The following RBFOX1 variants were observed in gnomAD, a reference collection of about 807,000 sequenced individuals.
RBFOX1 encodes the protein RNA binding protein fox-1 homolog 1.
Under a neutral mutation model 57.7 loss-of-function variants are expected in RBFOX1, and 8 were observed. That is an observed-to-expected ratio of 0.14 (90% CI 0.08 to 0.25). The LOEUF (loss-of-function observed/expected upper bound fraction) is 0.25, where lower values mean the gene tolerates loss of function less well. RBFOX1 is among the 10% of genes least tolerant of loss of function. RBFOX1 has a pLI of 1.00. For missense variants in RBFOX1, 611 were observed against 548.5 expected, an observed-to-expected ratio of 1.11 and a Z score of -1.14; for synonymous variants, 326 against 222.4, an observed-to-expected ratio of 1.47 and a Z score of -4.15.
chr16:6,251,980 C>G (rs1335647560), intron 1 of RBFOX1, among the ~76,000 whole-genome samples: 1 of 152,072 alleles, frequency 6.6e-6, no homozygotes, highest in African/African-American at 2.4e-5. Flanking sequence ...TAATGTCAGC[C>G]TGTGTAACAT....
intron 2 of RBFOX1, among the ~76,000 whole-genome samples, chr16:6,636,266 G>A (rs1179116393): frequency 1.3e-5 from 2 of 152,072 alleles, no homozygotes; most frequent in East Asian, 1.9e-4. Flanking sequence ...TGCCTCCCGG[G>A]TTCATGCCAT....
chr16:7,028,074 C>T lies in RBFOX1; in HGVS notation c.-15-23983C>T, dbSNP rs182013932. Among the ~76,000 whole-genome samples, 3 of 152,166 alleles carry T rather than the reference C, an allele frequency of 2.0e-5. No individual in the cohort carries two copies. In the East Asian group the frequency reaches 5.8e-4, roughly 30 times the overall value. ...AGAAAGTGTTCGCAGCCCTGAGAAA[C>T]GTGGTTTCTCATTTGCCTGTTACTT... On this transcript the variant is annotated intron_variant, in intron 3 of 15. Transcript: ENST00000550418.
In RBFOX1 at chr16:5,974,556, G is replaced by C. The variant is rs563477240; in HGVS notation, c.351+107221G>C. On this transcript the variant is annotated intron_variant, in intron 4 of 19. Transcript: ENST00000641259. ...ACCCGGGAGGCGGAGGTTGCAGTGAGCTGAGATGGCACCATTGCACTTGAG... is the reference window on the plus strand; with the variant it reads ...ACCCGGGAGGCGGAGGTTGCAGTGACCTGAGATGGCACCATTGCACTTGAG... Among the ~76,000 whole-genome samples the C allele has an allele frequency of 3.9e-5, 6 of 152,282 alleles. No homozygotes were observed. The South Asian group carries it at 1.2e-3, about 32-fold the overall frequency.
chr16:7,602,311 C>G (rs970264962), intron 9 of RBFOX1, among the ~76,000 whole-genome samples: 2 of 152,258 alleles, frequency 1.3e-5, no homozygotes, highest in East Asian at 1.9e-4. Context: ...GGGGTCTAAA[C>G]TGCTTGCGTA....
intron 2 of RBFOX1, among the ~76,000 whole-genome samples, chr16:5,587,023 A>G (rs879266336): frequency 2.0e-5 from 3 of 152,196 alleles, no homozygotes; most frequent in Non-Finnish European, 4.4e-5. Context: ...GAAGGCAAGT[A>G]GAGGAAAACC....
chr16:5,931,155 A>T lies in RBFOX1; in HGVS notation c.351+63820A>T, dbSNP rs1459711302. 2.0e-5 allele frequency among the ~76,000 whole-genome samples: 3 copies of T among 152,136 alleles called. No individual in the cohort carries two copies. The East Asian group carries it at 5.8e-4, about 29-fold the overall frequency. On this transcript the variant is annotated intron_variant, in intron 4 of 19. Transcript: ENST00000641259. ...AGGGCTATTCTTTTGTATTGGCTTC[A>T]TTATTAGGCTCCACCTGGTTACCCC...
intron 1 of RBFOX1, among the ~76,000 whole-genome samples, chr16:5,332,213 CAGTT>C: frequency 6.6e-6 from 1 of 152,274 alleles, no homozygotes; most frequent in East Asian, 1.9e-4. Flanking sequence ...CTAATGATAA[CAGTT>C]AGCTTTTTAC....
chr16:7,587,558 A>T (rs953334599), intron 7 of RBFOX1, among the ~76,000 whole-genome samples: 19 of 152,332 alleles, frequency 1.2e-4, no homozygotes, highest in Admixed American at 1.0e-3. Context: ...TGCTTAAAAA[A>T]ATAATGATGT....
At chr16:6,768,306 A>G (rs1174459028) in intron 3 of RBFOX1, among the ~76,000 whole-genome samples, 2 of 152,000 alleles carry the variant, frequency 1.3e-5, no homozygotes, top group East Asian at 1.9e-4. Flanking sequence ...TGTAATTTAT[A>G]TGACAATAAA....
chr16:6,870,011 G>T (rs1407751114), intron 3 of RBFOX1, among the ~76,000 whole-genome samples: 1 of 152,104 alleles, frequency 6.6e-6, no homozygotes, highest in African/African-American at 2.4e-5. Context: ...TTGATGCTGT[G>T]AGATCTATGC....
At chr16:6,787,845 A>C (rs768524268) in intron 3 of RBFOX1, among the ~76,000 whole-genome samples, 1 of 152,240 alleles carries the variant, frequency 6.6e-6, no homozygotes, top group Admixed American at 6.5e-5. Flanking sequence ...TTTATATTCT[A>C]TAAAGTTAAC....
chr16:6,268,317 G>A (rs1006843371), intron 1 of RBFOX1, among the ~76,000 whole-genome samples: 25 of 152,176 alleles, frequency 1.6e-4, no homozygotes, highest in African/African-American at 1.9e-4. Flanking sequence ...GAGAACTCCC[G>A]TGATGACCTC....
intron 1 of RBFOX1, among the ~76,000 whole-genome samples, chr16:6,176,049 C>T (rs1440405653): frequency 6.6e-6 from 1 of 152,144 alleles, no homozygotes; most frequent in Non-Finnish European, 1.5e-5. Context: ...GACCACCAGG[C>T]TGCAAAACTA....
At chr16:6,346,801 G>C (rs1207427949) in intron 2 of RBFOX1, among the ~76,000 whole-genome samples, 1 of 152,144 alleles carries the variant, frequency 6.6e-6, no homozygotes, top group South Asian at 2.1e-4. Flanking sequence ...GTTGATGTTA[G>C]TCATGTCAAA....
intron 14 of RBFOX1, among the ~76,000 whole-genome samples, chr16:7,690,173 C>A (rs1027197569): frequency 6.6e-6 from 1 of 151,982 alleles, no homozygotes; most frequent in Non-Finnish European, 1.5e-5. Flanking sequence ...CTTTCCAGGC[C>A]CTACCCCAGA....
intron 4 of RBFOX1, among the ~76,000 whole-genome samples, chr16:7,298,590 C>T (rs906462586): frequency 1.3e-5 from 2 of 152,120 alleles, no homozygotes; most frequent in Non-Finnish European, 2.9e-5. Context: ...ACATGCCCAG[C>T]CCAAAATTTG....
chr16:7,424,798 C>G (rs909334156), intron 4 of RBFOX1, among the ~76,000 whole-genome samples: 69 of 152,278 alleles, frequency 4.5e-4, no homozygotes, highest in Middle Eastern at 3.4e-3. Context: ...GAAACAATCA[C>G]ATAATCACCT....
At chr16:7,051,254 C>T (rs1334070739) in intron 3 of RBFOX1, among the ~76,000 whole-genome samples, 4 of 152,254 alleles carry the variant, frequency 2.6e-5, no homozygotes, top group Admixed American at 2.0e-4. Context: ...TCTCAAAATT[C>T]CTTCTATGTG....
intron 1 of RBFOX1, among the ~76,000 whole-genome samples, chr16:6,094,943 C>A (rs547760884): frequency 6.6e-6 from 1 of 152,266 alleles, no homozygotes; most frequent in Admixed American, 6.5e-5. Context: ...GCCTGTAGTC[C>A]CAGCTACTCG....
Sources: gnomAD v4.1 joint callset for allele counts (sites outside exome capture counted in the v4.1 genomes callset) on GRCh38, gnomAD v4.1.1 for gene constraint, MANE v1.5 for transcripts, NCBI Gene and HGNC (gene_info 2026-07-23, HGNC 2026-07-21) for gene names.